Variants in GALNT18 observed in about 807,000 individuals in gnomAD.
GALNT18 encodes the protein polypeptide N-acetylgalactosaminyltransferase 18.
A neutral mutation model predicts 69.5 loss-of-function variants in GALNT18; 44 were observed. That is an observed-to-expected ratio of 0.63 (90% CI 0.50 to 0.81). The LOEUF is 0.81. Ranked by LOEUF, GALNT18 falls within the 40% of genes least tolerant of loss-of-function variation. GALNT18 has a pLI of 0.00. For synonymous variants in GALNT18, 364 were observed against 318.2 expected (o/e 1.14, Z -1.53); for missense variants, 715 against 810.0 (o/e 0.88, Z 1.42).
At chr11:11,277,932 A>G (rs1300666254) in intron 10 of GALNT18, among the ~76,000 whole-genome samples, 1 of 152,124 alleles carries the variant, frequency 6.6e-6, no homozygotes, top group African/African-American at 2.4e-5. Context: ...TATGTGGTCA[A>G]TTTTGGAATA....
intron 1 of GALNT18, among the ~76,000 whole-genome samples, chr11:11,569,158 A>G (rs940775577): frequency 2.6e-5 from 4 of 151,870 alleles, no homozygotes; most frequent in African/African-American, 9.7e-5. Flanking sequence ...AGAATGTAAC[A>G]AGGTAGATTC....
At chr11:11,281,453 C>T (rs11021752) in intron 10 of GALNT18, among the ~76,000 whole-genome samples, 20,230 of 152,190 alleles carry the variant, frequency 0.13, 1,849 homozygotes, top group Admixed American at 0.28. Context: ...GACCAAGTGC[C>T]GCTGCCCACT....
intron 9 of GALNT18, among the ~76,000 whole-genome samples, chr11:11,316,221 CAG>C (rs1035457723): frequency 6.6e-6 from 1 of 152,112 alleles, no homozygotes; most frequent in Non-Finnish European, 1.5e-5. Flanking sequence ...GAAATCAACT[CAG>C]GGGTTTTTCC....
At chr11:11,410,977 T>C (rs141839338) in intron 3 of GALNT18, among the ~76,000 whole-genome samples, 9 of 152,308 alleles carry the variant, frequency 5.9e-5, no homozygotes, top group African/African-American at 2.2e-4. Context: ...GGCTTGACTC[T>C]GTCAATGCCT....
At chr11:11,285,556 ATAAC>A (rs1454102648) in intron 10 of GALNT18, among the ~76,000 whole-genome samples, 4 of 152,194 alleles carry the variant, frequency 2.6e-5, no homozygotes, top group East Asian at 1.9e-4. Flanking sequence ...TAAACCAAAA[ATAAC>A]TAATTGCACA....
In GALNT18 at chr11:11,500,776, C is replaced by G. The variant is rs1217802468; in HGVS notation, c.236-51840G>C. 6.6e-6 allele frequency among the ~76,000 whole-genome samples: 1 copy of G among 152,212 alleles called. No individual in the cohort carries two copies. The highest frequency in any genetic ancestry group is 2.4e-5 in the African/African-American group (1 of 41,458). On this transcript the variant is annotated intron_variant, in intron 1 of 10. Coordinates refer to ENST00000227756, the MANE Select transcript of GALNT18 (RefSeq NM_198516.3). The surrounding 1 kb of genome is among the most constrained non-coding windows in gnomAD (Gnocchi z 5.0). ...CCTCAGGTAAGGAGTCAAGGATCTC[C>G]TTTTCATGTATTTTCTGTACAAATA...
At chr11:11,376,398 A>AAAAACAAAAACAAACG (rs1853761706) in intron 5 of GALNT18, among the ~76,000 whole-genome samples, 1 of 152,196 alleles carries the variant, frequency 6.6e-6, no homozygotes, top group African/African-American at 2.4e-5. Context: ...AAAAACAAAC[A>AAAAACAAAAACAAACG]CAGACAGAAA....
intron 9 of GALNT18, among the ~76,000 whole-genome samples, chr11:11,313,512 G>A (rs1272013075): frequency 6.6e-6 from 1 of 152,172 alleles, no homozygotes; most frequent in East Asian, 1.9e-4. Flanking sequence ...CTTCACTCAT[G>A]AGCAAGTGTG....
At chr11:11,561,774 A>G (rs535551221) in intron 1 of GALNT18, among the ~76,000 whole-genome samples, 1 of 152,290 alleles carries the variant, frequency 6.6e-6, no homozygotes, top group East Asian at 1.9e-4. Flanking sequence ...TGAGGCAGGG[A>G]GTGGCCCATT....
rs763258008 is a variant in GALNT18, at chr11:11,293,143, G to C, written c.1563C>G (p.Pro521=). The change falls in exon 10 of 11, where the codon CCC becomes CCG. Residue 521 remains proline, a synonymous_variant. Transcript: ENST00000227756. ...SQQIHVGILS[P]TVDDDDNRCL... is the part of the protein sequence containing the mutation. ...ATCGGTTGTCATCATCATCCACGGT[G>C]GGGCTCAGAATGCCCACATGGATCT... is the stretch of plus-strand genomic sequence containing the variant. The C allele has an allele frequency of 7.4e-7, 1 of 1,360,346 alleles. No homozygotes were observed. The highest frequency in any genetic ancestry group is 3.0e-5 in the Admixed American group (1 of 33,846). The allele number at this position is 1,360,346 out of a possible 1,614,324, so 84.3% of individuals were successfully genotyped here.
At position 11,621,932 on chromosome 11, in the gene GALNT18, C is replaced by T. The variant is rs953435364; in HGVS notation, c.-339G>A. 6.3e-5 allele frequency: 12 copies of T among 190,056 alleles called. No individual in the cohort carries two copies. Among genetic ancestry groups the T allele is most frequent in the African/African-American group, 2.3e-4 (10 of 42,912 alleles). 11.8% of individuals were successfully genotyped at this position (190,056 alleles called of 1,614,324 possible). On this transcript the variant is annotated 5_prime_UTR_variant, in exon 1 of 11. Coordinates refer to ENST00000227756, the MANE Select transcript of GALNT18 (RefSeq NM_198516.3). The surrounding 1 kb of genome is among the most constrained non-coding windows in gnomAD (Gnocchi z 9.3). ...GAAACTTTGCCACTGCCTGTGTCGG[C>T]GGCCACGCCGCTTCCCATCGCCAGC... is the stretch of plus-strand genomic sequence containing the variant.
At chr11:11,440,155 A>T (rs1855504035) in intron 2 of GALNT18, among the ~76,000 whole-genome samples, 1 of 152,228 alleles carries the variant, frequency 6.6e-6, no homozygotes, top group South Asian at 2.1e-4. Context: ...TGAATTTATC[A>T]ATTTAGAGAA....
Position 11,444,450 on chromosome 11 carries a change from G to A in GALNT18, c.428+4294C>T, listed in dbSNP as rs566179471. ...TCAGTGTAAACTCCAGGAGATATCCGTCCGACGCTTTGTTGGGTGCCGGGC... is the reference window on the plus strand; with the variant it reads ...TCAGTGTAAACTCCAGGAGATATCCATCCGACGCTTTGTTGGGTGCCGGGC... On this transcript the variant is annotated intron_variant, in intron 2 of 10. Transcript: ENST00000227756. This position sits in a 1 kb window ranked among gnomAD's most constrained non-coding sequence, Gnocchi z 4.4. 2.5e-4 allele frequency among the ~76,000 whole-genome samples: 38 copies of A among 152,322 alleles called. 1 individual carries two copies. The South Asian group carries it at 3.3e-3, about 13-fold the overall frequency.
chr11:11,391,337 C>T (rs1285858543), intron 3 of GALNT18, among the ~76,000 whole-genome samples: 1 of 152,224 alleles, frequency 6.6e-6, no homozygotes, highest in Non-Finnish European at 1.5e-5. Flanking sequence ...TAGGTAAGTA[C>T]TACTAGTAAC....
intron 1 of GALNT18, among the ~76,000 whole-genome samples, chr11:11,593,585 T>C (rs968538004): frequency 7.2e-5 from 11 of 152,196 alleles, no homozygotes; most frequent in Non-Finnish European, 1.3e-4. Flanking sequence ...CTAATTTTTT[T>C]TTCTACCATT....
intron 1 of GALNT18, among the ~76,000 whole-genome samples, chr11:11,522,341 C>A (rs1347617377): frequency 6.6e-6 from 1 of 152,222 alleles, no homozygotes. Context: ...CACACAACTT[C>A]CAGTGGCCGA....
chr11:11,370,587 GGA>G (rs1850878077), intron 6 of GALNT18, among the ~76,000 whole-genome samples: 1 of 100,850 alleles, frequency 9.9e-6, no homozygotes, highest in African/African-American at 4.2e-5. Context: ...AAGAGATGGA[GGA>G]AAAAAAAAAA....
At position 11,454,143 on chromosome 11, in the gene GALNT18, G is replaced by C. The variant is rs766539697; in HGVS notation, c.236-5207C>G. On this transcript the variant is annotated intron_variant, in intron 1 of 10. Transcript: ENST00000227756. This position sits in a 1 kb window ranked among gnomAD's most constrained non-coding sequence, Gnocchi z 4.2. ...CAAATCTTTCAGAGGGAGTAGAAAG[G>C]GGGCTGCAGTCCTGTGCCAGCAGGT... is the stretch of plus-strand genomic sequence containing the variant. Among the ~76,000 whole-genome samples the C allele has an allele frequency of 1.4e-4, 21 of 152,204 alleles. No homozygotes were observed. Among genetic ancestry groups the C allele is most frequent in the African/African-American group, 3.6e-4 (15 of 41,444 alleles).
chr11:11,559,112 C>T lies in GALNT18; in HGVS notation c.235+62247G>A, dbSNP rs148387052. ...AGAGGGAAGTAGATTAGTTAATATACGTGAAATTCTAGGAATGTGGCCCAG... is the reference window on the plus strand; with the variant it reads ...AGAGGGAAGTAGATTAGTTAATATATGTGAAATTCTAGGAATGTGGCCCAG... On this transcript the variant is annotated intron_variant, in intron 1 of 10. Transcript: ENST00000227756. Among the ~76,000 whole-genome samples the T allele has an allele frequency of 3.2e-4, 49 of 152,318 alleles. 1 individual carries two copies. In the East Asian group the frequency reaches 6.0e-3, roughly 19 times the overall value.
Sources: allele counts gnomAD v4.1 joint callset (sites outside exome capture counted in the v4.1 genomes callset), GRCh38; gene constraint gnomAD v4.1.1; non-coding constraint Gnocchi (gnomAD v3.1); transcripts MANE v1.5; gene names NCBI Gene and HGNC (gene_info 2026-07-23, HGNC 2026-07-21).